Variants in NELL1 observed in about 807,000 individuals in gnomAD.
NELL1 encodes protein kinase C-binding protein NELL1.
Under a neutral mutation model 107.4 loss-of-function variants are expected in NELL1, and 76 were observed. The observed-to-expected ratio is 0.71, with a 90% CI of 0.59 to 0.86. The LOEUF (loss-of-function observed/expected upper bound fraction) is 0.86. Ranked by LOEUF, NELL1 falls within the 40% of genes least tolerant of loss-of-function variation. The pLI is 0.00. For missense variants in NELL1, 1,024 were observed against 1,005.5 expected, an observed-to-expected ratio of 1.02 and a Z score of -0.25; for synonymous variants, 353 against 341.2, an observed-to-expected ratio of 1.03 and a Z score of -0.38.
chr11:20,750,949 T>C (rs1231061677), intron 2 of NELL1, among the ~76,000 whole-genome samples: 10 of 152,110 alleles, frequency 6.6e-5, no homozygotes, highest in Non-Finnish European at 2.9e-5. Context: ...AAAACACAGC[T>C]CCCCAGATGT....
intron 3 of NELL1, among the ~76,000 whole-genome samples, chr11:20,811,014 TTGTC>T (rs1857491511): frequency 6.6e-6 from 1 of 152,210 alleles, no homozygotes; most frequent in Admixed American, 6.5e-5. Context: ...ACAATCCTAT[TTGTC>T]TGTTTGCTTT....
chr11:21,113,969 G>A lies in NELL1; in HGVS notation c.1426+255G>A, dbSNP rs116595803. Among the ~76,000 whole-genome samples, 848 of 152,038 alleles carry A rather than the reference G, an allele frequency of 5.6e-3. 7 individuals are homozygous for A. Among genetic ancestry groups the A allele is most frequent in the African/African-American group, 0.019 (783 of 41,492 alleles). ...TGTGTGATTTGAAACTGAAGTCCCA[G>A]TTGCCAATAGTAACACTGAGGGAGT... On this transcript the variant is annotated intron_variant, in intron 13 of 19. Coordinates refer to ENST00000357134, the MANE Select transcript of NELL1 (RefSeq NM_006157.5).
intron 12 of NELL1, among the ~76,000 whole-genome samples, chr11:21,082,136 C>T (rs1468882436): frequency 6.6e-6 from 1 of 152,066 alleles, no homozygotes; most frequent in Non-Finnish European, 1.5e-5. Flanking sequence ...CATTTCTTTT[C>T]CTGGCACTCG....
At position 21,528,146 on chromosome 11, in the gene NELL1, A is replaced by G. The variant is rs1328822372; in HGVS notation, c.1646-6228A>G. ...TGGACTGTCTTGGAATGTGGGGATT[A>G]TAAGTTACAGAACGATAAATATCAC... is the stretch of plus-strand genomic sequence containing the variant. On this transcript the variant is annotated intron_variant, in intron 15 of 19. Coordinates refer to ENST00000357134, the MANE Select transcript of NELL1 (RefSeq NM_006157.5). Among the ~76,000 whole-genome samples, 3 of 152,342 alleles carry G rather than the reference A, an allele frequency of 2.0e-5. No individual in the cohort carries two copies. In the East Asian group the frequency reaches 5.8e-4, roughly 29 times the overall value.
At chr11:20,760,081 A>G (rs138502143) in intron 2 of NELL1, among the ~76,000 whole-genome samples, 1 of 152,338 alleles carries the variant, frequency 6.6e-6, no homozygotes, top group African/African-American at 2.4e-5. Flanking sequence ...TCCTCTCCCC[A>G]GATGCCAAAC....
At chr11:21,108,940 AACAT>A (rs1855037352) in intron 12 of NELL1, among the ~76,000 whole-genome samples, 1 of 152,268 alleles carries the variant, frequency 6.6e-6, no homozygotes, top group South Asian at 2.1e-4. Context: ...CACAGTCATA[AACAT>A]CAGCTACAGC....
At chr11:21,188,608 A>G (rs572492426) in intron 13 of NELL1, among the ~76,000 whole-genome samples, 6 of 151,988 alleles carry the variant, frequency 3.9e-5, no homozygotes, top group Admixed American at 6.5e-5. Flanking sequence ...TTAAATAAAA[A>G]AAATTTATTT....
chr11:21,299,476 G>A (rs1849445678), intron 14 of NELL1, among the ~76,000 whole-genome samples: 2 of 151,380 alleles, frequency 1.3e-5, no homozygotes, highest in African/African-American at 2.4e-5. Context: ...GCCTGTGTCT[G>A]GGTCCTGGGA....
At chr11:20,705,216 G>A (rs1393269871) in intron 2 of NELL1, among the ~76,000 whole-genome samples, 1 of 152,116 alleles carries the variant, frequency 6.6e-6, no homozygotes, top group Non-Finnish European at 1.5e-5. Flanking sequence ...TCAATCCTAA[G>A]CCAAAAGAAC....
At chr11:20,970,459 A>G (rs994055657) in intron 12 of NELL1, among the ~76,000 whole-genome samples, 10 of 152,232 alleles carry the variant, frequency 6.6e-5, no homozygotes, top group African/African-American at 2.2e-4. Flanking sequence ...AGAGCCTTGT[A>G]TCAGATAAGA....
chr11:21,130,365 A>G (rs1233886815), intron 13 of NELL1, among the ~76,000 whole-genome samples: 1 of 152,090 alleles, frequency 6.6e-6, no homozygotes, highest in Non-Finnish European at 1.5e-5. Flanking sequence ...ATAAGGTTTT[A>G]CTAATTTTTT....
At chr11:21,480,055 A>G (rs918462030) in intron 15 of NELL1, among the ~76,000 whole-genome samples, 2 of 152,170 alleles carry the variant, frequency 1.3e-5, no homozygotes, top group Non-Finnish European at 2.9e-5. Flanking sequence ...AACAGAATTT[A>G]TATTGGAACA....
intron 15 of NELL1, among the ~76,000 whole-genome samples, chr11:21,442,581 A>G (rs1304523297): frequency 6.6e-6 from 1 of 152,240 alleles, no homozygotes; most frequent in Non-Finnish European, 1.5e-5. Flanking sequence ...ATTTAGATAT[A>G]GTCAATAAAA....
At chr11:20,928,746 T>G (rs576471090) in intron 9 of NELL1, among the ~76,000 whole-genome samples, 3 of 152,262 alleles carry the variant, frequency 2.0e-5, no homozygotes, top group African/African-American at 7.2e-5. Flanking sequence ...GAACGTGTGT[T>G]CACAGGGATT....
At chr11:20,819,528 A>G (rs373590399) in intron 3 of NELL1, among the ~76,000 whole-genome samples, 1 of 152,220 alleles carries the variant, frequency 6.6e-6, no homozygotes, top group Admixed American at 6.5e-5. Flanking sequence ...CAGAGGCAGA[A>G]AGGGGGCTGG....
In NELL1 at chr11:21,342,411, T is replaced by TGGG. The variant is rs57914880; in HGVS notation, c.1550-28433_1550-28431dup. On this transcript the variant is annotated intron_variant, in intron 14 of 19. Coordinates refer to ENST00000357134, the MANE Select transcript of NELL1 (RefSeq NM_006157.5). ...ATCCCAGTGCTTTGAGAGGCTTAAG[T>TGGG]GGGGGGGGGGGTCACTTGAGGCCAG... Among the ~76,000 whole-genome samples, 59 of 74,088 alleles carry TGGG rather than the reference T, an allele frequency of 8.0e-4. 1 individual carries two copies. Among genetic ancestry groups the TGGG allele is most frequent in the African/African-American group, 2.2e-3 (45 of 20,026 alleles). 48.6% of individuals were successfully genotyped at this position (74,088 alleles called of 152,430 possible).
At chr11:21,457,193 G>A (rs1242031163) in intron 15 of NELL1, among the ~76,000 whole-genome samples, 1 of 152,158 alleles carries the variant, frequency 6.6e-6, no homozygotes, top group African/African-American at 2.4e-5. Flanking sequence ...TATTGTTCAT[G>A]TTTCTGATTC....
At chr11:21,206,921 A>G (rs1565110860) in intron 13 of NELL1, among the ~76,000 whole-genome samples, 1 of 152,208 alleles carries the variant, frequency 6.6e-6, no homozygotes, top group East Asian at 1.9e-4. Context: ...CAAAAGAATC[A>G]CAAGCCACTC....
At chr11:20,676,190 T>G (rs75610647) in intron 1 of NELL1, among the ~76,000 whole-genome samples, 190 of 152,238 alleles carry the variant, frequency 1.2e-3, no homozygotes, top group African/African-American at 4.4e-3. Flanking sequence ...CCATCTTGCC[T>G]TTTCTAGTCA....
Sources: allele counts gnomAD v4.1 joint callset (sites outside exome capture counted in the v4.1 genomes callset), GRCh38; gene constraint gnomAD v4.1.1; transcripts MANE v1.5; gene names NCBI Gene and HGNC (gene_info 2026-07-23, HGNC 2026-07-21).